RAPGEF2: variants seen among roughly 807,000 people sequenced by gnomAD.
The protein encoded by RAPGEF2 is PDZ domain containing guanine nucleotide exchange factor (GEF) 1.
In RAPGEF2, 54 loss-of-function variants were observed where a neutral mutation model predicts 186.7. The observed-to-expected ratio is 0.29, with a 90% CI of 0.23 to 0.36. The LOEUF is 0.36. Ranked by LOEUF, RAPGEF2 falls within the 10% of genes least tolerant of loss-of-function variation. The probability of loss-of-function intolerance (pLI) is 1.00; values close to 1 mark genes in which losing one functional copy is unlikely to be tolerated. For missense variants in RAPGEF2, 1,532 were observed against 2,045.0 expected (o/e 0.75, Z 4.84); for synonymous variants, 712 against 705.9 (o/e 1.01, Z -0.14).
At chr4:159,285,570 G>A (rs943560358) in intron 7 of RAPGEF2, among the ~76,000 whole-genome samples, 13 of 152,198 alleles carry the variant, frequency 8.5e-5, no homozygotes, top group African/African-American at 2.9e-4. Flanking sequence ...TTCCTTAAGA[G>A]ATTTATAAGC....
chr4:159,280,426 G>T (rs1006511677), intron 7 of RAPGEF2, among the ~76,000 whole-genome samples: 1 of 152,156 alleles, frequency 6.6e-6, no homozygotes, highest in Non-Finnish European at 1.5e-5. Context: ...TTCTTTCTTG[G>T]CACTGCTAGT....
intron 2 of RAPGEF2, among the ~76,000 whole-genome samples, chr4:159,188,639 G>C (rs1180309207): frequency 1.3e-5 from 2 of 149,534 alleles, no homozygotes; most frequent in South Asian, 4.2e-4. Flanking sequence ...ACTCCAGCCT[G>C]GGCAACAGAA....
chr4:159,304,221 G>A (rs1282473609), intron 7 of RAPGEF2, 121 bp from the exon 8 acceptor site: 1 of 926,136 alleles, frequency 1.1e-6, no homozygotes, highest in Non-Finnish European at 1.5e-6. Flanking sequence ...TGTGAATGTG[G>A]AAAATGAATA....
intron 9 of RAPGEF2, among the ~76,000 whole-genome samples, chr4:159,318,927 G>A (rs780527997): frequency 5.9e-5 from 9 of 152,034 alleles, no homozygotes; most frequent in Non-Finnish European, 1.2e-4. Flanking sequence ...TTCCATAAAC[G>A]TTAGATAGGT....
At chr4:159,273,445 A>G (rs1461092431) in intron 7 of RAPGEF2, among the ~76,000 whole-genome samples, 1 of 152,188 alleles carries the variant, frequency 6.6e-6, no homozygotes, top group Non-Finnish European at 1.5e-5. Flanking sequence ...AGTATACCTC[A>G]TATCTTTGCC....
At chr4:159,317,239 T>G (rs1322148925) in intron 9 of RAPGEF2, among the ~76,000 whole-genome samples, 1 of 152,224 alleles carries the variant, frequency 6.6e-6, no homozygotes, top group Non-Finnish European at 1.5e-5. Flanking sequence ...TTATGGGAAT[T>G]GCTAACTCTT....
At chr4:159,246,936 A>G (rs1417446609) in intron 7 of RAPGEF2, among the ~76,000 whole-genome samples, 2 of 152,154 alleles carry the variant, frequency 1.3e-5, no homozygotes, top group Non-Finnish European at 2.9e-5. Flanking sequence ...ACACCTGGCT[A>G]TAATTTATAT....
intron 4 of RAPGEF2, among the ~76,000 whole-genome samples, chr4:159,230,174 C>G (rs1299810742): frequency 1.3e-5 from 2 of 152,172 alleles, no homozygotes; most frequent in East Asian, 3.8e-4. Context: ...CCATACTTCT[C>G]CCTTCCACCA....
intron 3 of RAPGEF2, among the ~76,000 whole-genome samples, chr4:159,198,855 G>A (rs1208354118): frequency 6.6e-6 from 1 of 151,634 alleles, no homozygotes; most frequent in Non-Finnish European, 1.5e-5. Context: ...CGAGGTGGGC[G>A]GATCAGTTGA....
intron 7 of RAPGEF2, among the ~76,000 whole-genome samples, chr4:159,256,687 C>T (rs185199973): frequency 1.3e-5 from 2 of 152,316 alleles, no homozygotes; most frequent in South Asian, 2.1e-4. Flanking sequence ...TTCTTTTTCT[C>T]TGCAACCTCA....
intron 9 of RAPGEF2, 55 bp from the exon 10 acceptor site, chr4:159,322,292 T>C (rs1302892484): frequency 6.5e-7 from 1 of 1,540,700 alleles, no homozygotes; most frequent in Non-Finnish European, 8.9e-7. Flanking sequence ...TCTTTTTGAA[T>C]ACTTGTTTTT....
chr4:159,275,331 G>C (rs920905184), intron 7 of RAPGEF2, among the ~76,000 whole-genome samples: 1 of 152,036 alleles, frequency 6.6e-6, no homozygotes, highest in Non-Finnish European at 1.5e-5. Flanking sequence ...GTTAGCCTTA[G>C]ATTTATTAAC....
chr4:159,240,418 C>G (rs1321366304), intron 5 of RAPGEF2, among the ~76,000 whole-genome samples: 1 of 140,572 alleles, frequency 7.1e-6, no homozygotes, highest in Non-Finnish European at 1.5e-5. Context: ...ACTGCAACCT[C>G]CACCTCCTGG....
At chr4:159,315,991 A>G (rs529543153) in intron 9 of RAPGEF2, among the ~76,000 whole-genome samples, 11 of 152,214 alleles carry the variant, frequency 7.2e-5, no homozygotes, top group Admixed American at 2.6e-4. Flanking sequence ...CCCCCTGGGG[A>G]AGGGAGACTC....
intron 8 of RAPGEF2, among the ~76,000 whole-genome samples, chr4:159,309,101 C>T (rs1026010198): frequency 1.3e-5 from 2 of 152,152 alleles, no homozygotes; most frequent in Non-Finnish European, 2.9e-5. Flanking sequence ...GAGTGTAATA[C>T]AAAGACAGGT....
rs374993361 is a variant in RAPGEF2 at position 159,353,608 on chromosome 4, A to G, written c.4213A>G (p.Ser1405Gly). 6.3e-7 allele frequency: 1 copy of G among 1,597,986 alleles called. No homozygotes were observed. Among genetic ancestry groups the G allele is most frequent in the African/African-American group, 1.4e-5 (1 of 74,016 alleles). The change falls in exon 28 of 30, where the codon AGT (serine) becomes GGT (glycine). Residue 1405 changes from serine to glycine, a missense_variant. Around this residue, in one of 4 missense-constraint regions of RAPGEF2, gnomAD observed 594 missense variants for 608.5 expected, o/e 0.98. Coordinates refer to ENST00000691494, the MANE Select transcript of RAPGEF2 (RefSeq NM_001394067.2). This position sits in a 1 kb window ranked among gnomAD's most constrained non-coding sequence, Gnocchi z 4.3. ...TCGCGCGTCACTTGATGCTGCTGACAGTGGCCGTGGGAGCTGGACGTCATG... is the reference window on the plus strand; with the variant it reads ...TCGCGCGTCACTTGATGCTGCTGACGGTGGCCGTGGGAGCTGGACGTCATG... ...GDRASLDAAD[S>G]GRGSWTSCSS...
chr4:159,214,830 A>G (rs901141375), intron 4 of RAPGEF2, among the ~76,000 whole-genome samples: 5 of 152,186 alleles, frequency 3.3e-5, no homozygotes, highest in Admixed American at 3.3e-4. Context: ...TAAAAAACCT[A>G]TTTGCAAAAG....
chr4:159,165,629 T>C (rs991453873), intron 1 of RAPGEF2, among the ~76,000 whole-genome samples: 1 of 152,168 alleles, frequency 6.6e-6, no homozygotes, highest in Non-Finnish European at 1.5e-5. Flanking sequence ...TTTTTGTTTG[T>C]TTTTTTGAGA....
At chr4:159,338,161 T>C (rs1767733132) in intron 17 of RAPGEF2, 150 bp from the exon 18 acceptor site, 1 of 611,130 alleles carries the variant, frequency 1.6e-6, no homozygotes, top group Non-Finnish European at 2.7e-6. Flanking sequence ...AGTAGTTGCT[T>C]TTGCAGTTTT....
Sources: gnomAD v4.1 joint callset for allele counts (sites outside exome capture counted in the v4.1 genomes callset) on GRCh38, gnomAD v4.1.1 for gene constraint, gnomAD v4.1.1 regional missense constraint, Gnocchi (gnomAD v3.1) non-coding constraint, MANE v1.5 for transcripts, NCBI Gene and HGNC (gene_info 2026-07-23, HGNC 2026-07-21) for gene names.